The following DOCK2 variants were observed in gnomAD, a reference collection of about 807,000 sequenced individuals.
The protein encoded by DOCK2 is dedicator of cytokinesis protein 2.
DOCK2 carries 87 observed loss-of-function variants against 248.9 expected under a neutral mutation model. That is an observed-to-expected ratio of 0.35 (90% CI 0.29 to 0.42). DOCK2 has a LOEUF of 0.42. Ranked by LOEUF, DOCK2 falls within the 10% of genes least tolerant of loss-of-function variation. DOCK2 has a pLI of 1.00. For synonymous variants in DOCK2, 805 were observed against 821.6 expected, an observed-to-expected ratio of 0.98 and a Z score of 0.35; for missense variants, 1,747 against 2,300.2, an observed-to-expected ratio of 0.76 and a Z score of 4.92.
intron 27 of DOCK2, among the ~76,000 whole-genome samples, chr5:169,847,204 G>A (rs926262500): frequency 6.6e-6 from 1 of 152,174 alleles, no homozygotes; most frequent in Non-Finnish European, 1.5e-5. Flanking sequence ...CCTTTGGGTA[G>A]ATACCCAGTA....
Position 169,699,396 on chromosome 5 carries a change from A to G in DOCK2, c.1070A>G (p.Asn357Ser), listed in dbSNP as rs1760824307. Residue 357 changes from asparagine to serine, a missense_variant, in exon 12 of 52, where the codon AAT becomes AGT. Asn to Ser is a conservative substitution (Grantham distance 46). Coordinates refer to ENST00000520908, the MANE Select transcript of DOCK2 (RefSeq NM_004946.3). Reference protein sequence around the residue: ...FIPFHPVTAENDFLHSLLGKV... With the variant: ...FIPFHPVTAESDFLHSLLGKV... ...TTCCTTTCCAGGGTTACAGCTGAGA[A>G]TGACTTCCTACACAGCCTGCTGGGC... The G allele has an allele frequency of 3.1e-6, 5 of 1,613,222 alleles. No homozygotes were observed. The highest frequency in any genetic ancestry group is 4.2e-6 in the Non-Finnish European group (5 of 1,179,548).
At position 169,637,388 on chromosome 5, in the gene DOCK2, G is replaced by A; in HGVS notation, c.43+19G>A. 2 of 1,380,212 alleles carry A rather than the reference G, an allele frequency of 1.4e-6. No homozygotes were observed. The highest frequency in any genetic ancestry group is 1.6e-5 in the South Asian group (1 of 62,040). The allele number at this position is 1,380,212 out of a possible 1,614,324, so 85.5% of individuals were successfully genotyped here. A position where few individuals can be genotyped will look rare whatever the true frequency, so the allele number is the denominator to read the frequency against. On this transcript the variant is annotated intron_variant, in intron 1 of 51. Transcript: ENST00000520908. ...GGCGTGGGTAGGTGCGGGCCCCAGG[G>A]CGCGGCAGGGAGCGGGACAGGTGGC... is the stretch of plus-strand genomic sequence containing the variant.
At chr5:169,993,451 G>T (rs1778259573) in intron 29 of DOCK2, among the ~76,000 whole-genome samples, 1 of 152,114 alleles carries the variant, frequency 6.6e-6, no homozygotes, top group East Asian at 1.9e-4. Flanking sequence ...TTACATTACT[G>T]CTATTTCACA....
chr5:170,048,615 C>G (rs536714835), intron 40 of DOCK2, among the ~76,000 whole-genome samples: 1 of 152,174 alleles, frequency 6.6e-6, no homozygotes, highest in African/African-American at 2.4e-5. Context: ...TCACACATCA[C>G]GCAGCCTCAG....
intron 27 of DOCK2, among the ~76,000 whole-genome samples, chr5:169,903,826 G>A (rs112685267): frequency 6.6e-6 from 1 of 151,990 alleles, no homozygotes. Flanking sequence ...GAAACTGGGC[G>A]GAGTGGCTCA....
At chr5:170,014,348 A>G (rs1461547477) in intron 32 of DOCK2, among the ~76,000 whole-genome samples, 1 of 152,224 alleles carries the variant, frequency 6.6e-6, no homozygotes, top group Non-Finnish European at 1.5e-5. Context: ...TTCTAATTAT[A>G]AATGCTTTAG....
At chr5:170,011,189 A>AC (rs1437150470) in intron 32 of DOCK2, among the ~76,000 whole-genome samples, 1 of 152,236 alleles carries the variant, frequency 6.6e-6, no homozygotes, top group Non-Finnish European at 1.5e-5. Flanking sequence ...GCCCATTATA[A>AC]CAAGCTGCTC....
intron 27 of DOCK2, among the ~76,000 whole-genome samples, chr5:169,946,691 G>A (rs557277644): frequency 7.2e-5 from 11 of 152,298 alleles, no homozygotes; most frequent in African/African-American, 2.6e-4. Flanking sequence ...GTTCTAATGG[G>A]GTGGGGACAG....
chr5:169,730,516 A>C (rs746674174), intron 22 of DOCK2, among the ~76,000 whole-genome samples: 10 of 152,192 alleles, frequency 6.6e-5, no homozygotes, highest in Non-Finnish European at 1.3e-4. Flanking sequence ...GATTTAACTA[A>C]AAACGCTTGT....
At chr5:169,856,587 C>T (rs1178361519) in intron 27 of DOCK2, among the ~76,000 whole-genome samples, 1 of 152,170 alleles carries the variant, frequency 6.6e-6, no homozygotes, top group African/African-American at 2.4e-5. Context: ...CTCTCAGCTA[C>T]TGAAGGTATA....
chr5:169,708,277 A>T lies in DOCK2; in HGVS notation c.1482+10A>T. ...GATGGAAACAGTCAAGGTAATAATT[A>T]ATAATAGCAGCAAACACATGTCTAG... On this transcript the variant is annotated intron_variant, in intron 15 of 51. Coordinates refer to ENST00000520908, the MANE Select transcript of DOCK2 (RefSeq NM_004946.3). The T allele has an allele frequency of 6.2e-7, 1 of 1,611,704 alleles. No homozygotes were observed. The highest frequency in any genetic ancestry group is 8.5e-7 in the Non-Finnish European group (1 of 1,178,630).
chr5:169,768,291 G>A (rs183077075), intron 25 of DOCK2, among the ~76,000 whole-genome samples: 6 of 152,346 alleles, frequency 3.9e-5, no homozygotes, highest in South Asian at 2.1e-4. Flanking sequence ...TTTGATGAGC[G>A]CTGTCTCTAC....
At chr5:170,027,621 G>A (rs889238953) in intron 33 of DOCK2, among the ~76,000 whole-genome samples, 4 of 151,988 alleles carry the variant, frequency 2.6e-5, no homozygotes, top group Non-Finnish European at 4.4e-5. Context: ...CTGCACTCGC[G>A]CTCTCTCGCA....
intron 1 of DOCK2, among the ~76,000 whole-genome samples, chr5:169,644,133 G>A (rs77985368): frequency 0.023 from 3,462 of 152,298 alleles, 63 homozygotes; most frequent in Non-Finnish European, 0.035. Flanking sequence ...GTCATAGGGA[G>A]CAGTGCCTCG....
intron 27 of DOCK2, among the ~76,000 whole-genome samples, chr5:169,849,090 A>C (rs949620884): frequency 2.0e-5 from 3 of 152,184 alleles, no homozygotes; most frequent in Non-Finnish European, 4.4e-5. Context: ...GGATACGAGG[A>C]GGTGTGGTTC....
chr5:169,653,674 G>A (rs1490516714), intron 1 of DOCK2, among the ~76,000 whole-genome samples: 1 of 152,190 alleles, frequency 6.6e-6, no homozygotes, highest in African/African-American at 2.4e-5. Context: ...CCCATGCATG[G>A]CTCCAGCATG....
intron 44 of DOCK2, among the ~76,000 whole-genome samples, chr5:170,065,564 C>G (rs532213896): frequency 6.6e-6 from 1 of 152,134 alleles, no homozygotes; most frequent in African/African-American, 2.4e-5. Context: ...AAAAGAAAGA[C>G]GTTTATTGGA....
intron 25 of DOCK2, among the ~76,000 whole-genome samples, chr5:169,784,709 T>A (rs143809207): frequency 0.013 from 2,051 of 152,376 alleles, 48 homozygotes; most frequent in African/African-American, 0.047. Flanking sequence ...CTTCTCTTAG[T>A]ATTTAATATA....
intron 27 of DOCK2, among the ~76,000 whole-genome samples, chr5:169,975,436 G>A (rs147630402): frequency 8.6e-4 from 131 of 152,248 alleles, no homozygotes; most frequent in African/African-American, 2.2e-3. Flanking sequence ...CCAAGGGCCC[G>A]TGGGATCAGA....
Sources: gnomAD v4.1 joint callset for allele counts (sites outside exome capture counted in the v4.1 genomes callset) on GRCh38, gnomAD v4.1.1 for gene constraint, MANE v1.5 for transcripts, NCBI Gene and HGNC (gene_info 2026-07-23, HGNC 2026-07-21) for gene names.